Variants in RARB observed in about 807,000 individuals in gnomAD.
The protein encoded by RARB is HBV-activated protein.
RARB carries 17 observed loss-of-function variants against 51.9 expected under a neutral mutation model. The ratio of observed to expected loss-of-function variants is 0.33; its 90% CI spans 0.22 to 0.49. The LOEUF is 0.49. RARB is among the 20% of genes least tolerant of loss of function. RARB has a pLI of 0.99. For synonymous variants in RARB, 215 were observed against 195.4 expected (o/e 1.10, Z -0.84); for missense variants, 369 against 550.8 (o/e 0.67, Z 3.30).
intron 5 of RARB, among the ~76,000 whole-genome samples, chr3:25,291,285 G>C (rs1231240653): frequency 6.6e-6 from 1 of 152,140 alleles, no homozygotes; most frequent in Non-Finnish European, 1.5e-5. Context: ...ATGGAACGCT[G>C]TGCATTCTGT....
intron 2 of RARB, among the ~76,000 whole-genome samples, chr3:24,943,528 A>T (rs1559405815): frequency 6.6e-6 from 1 of 152,202 alleles, no homozygotes; most frequent in Non-Finnish European, 1.5e-5. Flanking sequence ...CATGCTAAGC[A>T]TTCTGAGCTT....
At chr3:25,080,050 A>G (rs1698962293) in intron 3 of RARB, among the ~76,000 whole-genome samples, 1 of 152,290 alleles carries the variant, frequency 6.6e-6, no homozygotes, top group South Asian at 2.1e-4. Context: ...AAATTTTTTC[A>G]TCACCCCAAA....
intron 2 of RARB, among the ~76,000 whole-genome samples, chr3:24,920,260 A>C (rs974197987): frequency 6.6e-6 from 1 of 152,210 alleles, no homozygotes; most frequent in Non-Finnish European, 1.5e-5. Flanking sequence ...ATTAGGGCCA[A>C]TTTCCAATGG....
intron 5 of RARB, among the ~76,000 whole-genome samples, chr3:25,356,989 C>T (rs566502200): frequency 6.6e-6 from 1 of 152,250 alleles, no homozygotes; most frequent in African/African-American, 2.4e-5. Flanking sequence ...GTGCATGTGT[C>T]TTTGTAGTAG....
At chr3:25,350,878 T>A (rs1705545978) in intron 5 of RARB, among the ~76,000 whole-genome samples, 1 of 152,154 alleles carries the variant, frequency 6.6e-6, no homozygotes, top group African/African-American at 2.4e-5. Context: ...GCATATGGGG[T>A]GTACCCTCTG....
At chr3:25,584,967 A>G (rs1200262160) in intron 5 of RARB, among the ~76,000 whole-genome samples, 1 of 109,606 alleles carries the variant, frequency 9.1e-6, no homozygotes, top group Non-Finnish European at 1.7e-5. Context: ...CCCCCACCCC[A>G]CTGCACGCAA....
At chr3:25,233,470 G>C (rs554344386) in intron 5 of RARB, among the ~76,000 whole-genome samples, 2 of 152,196 alleles carry the variant, frequency 1.3e-5, no homozygotes, top group South Asian at 4.2e-4. Context: ...TTTCCATGTA[G>C]ATAGTTGTCT....
chr3:24,902,483 C>CTTT (rs1448728133), intron 2 of RARB, among the ~76,000 whole-genome samples: 1 of 152,032 alleles, frequency 6.6e-6, no homozygotes, highest in African/African-American at 2.4e-5. Context: ...ATTGGCAGTG[C>CTTT]TTTAAGGTTT....
intron 5 of RARB, among the ~76,000 whole-genome samples, chr3:25,391,999 T>A (rs917848177): frequency 7.9e-5 from 12 of 152,354 alleles, no homozygotes; most frequent in African/African-American, 2.9e-4. Context: ...TCTGATGTTA[T>A]CTTCTAGAAT....
chr3:24,829,674 G>T (rs908892271), intron 1 of RARB, among the ~76,000 whole-genome samples: 2 of 152,322 alleles, frequency 1.3e-5, no homozygotes, highest in African/African-American at 2.4e-5. Flanking sequence ...TCCCTTTATT[G>T]CTATTGTCTT....
intron 2 of RARB, among the ~76,000 whole-genome samples, chr3:24,907,293 T>C (rs976137755): frequency 1.3e-5 from 2 of 152,148 alleles, no homozygotes; most frequent in African/African-American, 4.8e-5. Flanking sequence ...TCTGATGTAA[T>C]AGGTCTAAAG....
intron 2 of RARB, among the ~76,000 whole-genome samples, chr3:24,938,978 T>C (rs1293382212): frequency 2.8e-5 from 3 of 106,872 alleles, no homozygotes; most frequent in Non-Finnish European, 6.0e-5. Context: ...GAACATTTAG[T>C]TTTTTGTTGT....
intron 5 of RARB, among the ~76,000 whole-genome samples, chr3:25,364,455 C>G (rs1706050191): frequency 6.6e-6 from 1 of 152,208 alleles, no homozygotes; most frequent in Admixed American, 6.6e-5. Flanking sequence ...GTGGGCTTCA[C>G]ACTCAGGAGG....
chr3:25,120,268 G>T (rs1268116098), intron 3 of RARB, among the ~76,000 whole-genome samples: 3 of 152,062 alleles, frequency 2.0e-5, no homozygotes, highest in African/African-American at 7.2e-5. Context: ...AGACAGTAGA[G>T]AGTAGTGACG....
chr3:25,292,060 C>T (rs1226879220), intron 5 of RARB, among the ~76,000 whole-genome samples: 7 of 142,862 alleles, frequency 4.9e-5, no homozygotes, highest in Non-Finnish European at 9.4e-5. Flanking sequence ...TTTTTTTTTG[C>T]CAAACCTTGA....
At chr3:25,107,326 A>G (rs186847412) in intron 3 of RARB, among the ~76,000 whole-genome samples, 1 of 152,298 alleles carries the variant, frequency 6.6e-6, no homozygotes, top group East Asian at 1.9e-4. Flanking sequence ...ACTACAGAAC[A>G]TCTAGACTCA....
chr3:25,231,260 G>C (rs558587742), intron 5 of RARB, among the ~76,000 whole-genome samples: 1 of 152,148 alleles, frequency 6.6e-6, no homozygotes, highest in Non-Finnish European at 1.5e-5. Context: ...ACAGGGTCCA[G>C]CAAAGCAATG....
At chr3:25,359,379 C>T (rs1354053555) in intron 5 of RARB, among the ~76,000 whole-genome samples, 1 of 150,976 alleles carries the variant, frequency 6.6e-6, no homozygotes, top group Admixed American at 6.6e-5. Flanking sequence ...TTTTATTAGT[C>T]TGGTTAGTGG....
intron 3 of RARB, among the ~76,000 whole-genome samples, chr3:25,074,715 T>G (rs896283271): frequency 2.6e-5 from 4 of 152,216 alleles, no homozygotes; most frequent in African/African-American, 9.6e-5. Flanking sequence ...ACTATCACAC[T>G]GTACCACTGA....
Sources: gnomAD v4.1 joint callset for allele counts (sites outside exome capture counted in the v4.1 genomes callset) on GRCh38, gnomAD v4.1.1 for gene constraint, MANE v1.5 for transcripts, NCBI Gene and HGNC (gene_info 2026-07-23, HGNC 2026-07-21) for gene names.